CNTN6: variants seen among roughly 807,000 people sequenced by gnomAD.
CNTN6 encodes the protein contactin 6, also known as contactin-6.
CNTN6 carries 137 observed loss-of-function variants against 122.8 expected under a neutral mutation model. That is an observed-to-expected ratio of 1.12 (90% confidence interval 0.97 to 1.29). The LOEUF is 1.29. Ranked by LOEUF, CNTN6 falls within the 50% of genes most tolerant of loss-of-function variation. The probability of loss-of-function intolerance (pLI) is 0.00; values close to 1 mark genes in which losing one functional copy is unlikely to be tolerated. For synonymous variants in CNTN6, 570 were observed against 426.0 expected (o/e 1.34, Z -4.16); for missense variants, 1,634 against 1,223.4 (o/e 1.34, Z -5.01).
At chr3:1,304,946 G>A (rs1030131422) in intron 7 of CNTN6, among the ~76,000 whole-genome samples, 17 of 141,566 alleles carry the variant, frequency 1.2e-4, no homozygotes, top group Non-Finnish European at 1.8e-4. Flanking sequence ...AGCTGAGATC[G>A]TGCTGCTGCA....
chr3:1,399,952 A>G (rs1236782212), intron 20 of CNTN6, among the ~76,000 whole-genome samples: 1 of 152,146 alleles, frequency 6.6e-6, no homozygotes, highest in Non-Finnish European at 1.5e-5. Flanking sequence ...ACTGGACTGT[A>G]AGTGATTGAG....
At chr3:1,324,316 A>G (rs547704251) in intron 8 of CNTN6, among the ~76,000 whole-genome samples, 1 of 149,466 alleles carries the variant, frequency 6.7e-6, no homozygotes, top group Non-Finnish European at 1.5e-5. Flanking sequence ...AGTCAGACAG[A>G]CTTGCGTTTT....
At chr3:1,163,090 G>C (rs2093171372) in intron 2 of CNTN6, among the ~76,000 whole-genome samples, 1 of 152,172 alleles carries the variant, frequency 6.6e-6, no homozygotes, top group African/African-American at 2.4e-5. Flanking sequence ...ATGATTCTAA[G>C]ATGAGAAGCG....
chr3:1,395,722 G>T (rs1397045661), intron 20 of CNTN6, among the ~76,000 whole-genome samples: 3 of 152,166 alleles, frequency 2.0e-5, no homozygotes, highest in Non-Finnish European at 4.4e-5. Flanking sequence ...AGATTAGGAT[G>T]TGATCATGTT....
intron 12 of CNTN6, among the ~76,000 whole-genome samples, chr3:1,352,961 A>C (rs1039370106): frequency 1.3e-5 from 2 of 151,772 alleles, no homozygotes; most frequent in African/African-American, 4.8e-5. Context: ...TGTGTGAATC[A>C]TTATTATATT....
chr3:1,263,085 C>G (rs1427121335), intron 4 of CNTN6, among the ~76,000 whole-genome samples: 2 of 151,904 alleles, frequency 1.3e-5, no homozygotes, highest in Non-Finnish European at 2.9e-5. Context: ...AATAATATAC[C>G]TATTTTCAGA....
chr3:1,272,941 C>G (rs1486004150), intron 4 of CNTN6, among the ~76,000 whole-genome samples: 2 of 152,220 alleles, frequency 1.3e-5, no homozygotes, highest in Non-Finnish European at 2.9e-5. Context: ...CCTTGTCCCT[C>G]CCTTGCACCT....
intron 2 of CNTN6, among the ~76,000 whole-genome samples, chr3:1,172,687 T>C (rs986542421): frequency 6.6e-6 from 1 of 151,916 alleles, no homozygotes; most frequent in Non-Finnish European, 1.5e-5. Flanking sequence ...AGTTTTGGAA[T>C]GTCAGTCATC....
chr3:1,343,183 A>G (rs1704147867), intron 11 of CNTN6, among the ~76,000 whole-genome samples: 1 of 152,348 alleles, frequency 6.6e-6, no homozygotes, highest in African/African-American at 2.4e-5. Flanking sequence ...ACATTGTATA[A>G]TGCATATAAC....
chr3:1,196,160 T>A (rs545565385), intron 2 of CNTN6, among the ~76,000 whole-genome samples: 4 of 152,348 alleles, frequency 2.6e-5, no homozygotes, highest in African/African-American at 9.6e-5. Context: ...TGGGCATTGC[T>A]TAACAGCATT....
rs1259600492 is a variant in CNTN6 at position 1,098,787 on chromosome 3, CACATATATAT to C, written c.-83+5669_-83+5678del. 1.3e-4 allele frequency among the ~76,000 whole-genome samples: 7 copies of C among 55,686 alleles called. 1 individual carries two copies. Among genetic ancestry groups the C allele is most frequent in the South Asian group, 1.4e-3 (2 of 1,388 alleles). 36.5% of individuals were successfully genotyped at this position (55,686 alleles called of 152,430 possible). A position where few individuals can be genotyped will look rare whatever the true frequency, so the allele number is the denominator to read the frequency against. On this transcript the variant is annotated intron_variant, in intron 1 of 22. Transcript: ENST00000446702. Reference sequence around the variant, plus strand: ...ACACACACACACACACACACACACACACATATATATATATATATATATATATATATAGTGG... The same window carrying C: ...ACACACACACACACACACACACACACATATATATATATATATATATAGTGG...
intron 12 of CNTN6, among the ~76,000 whole-genome samples, chr3:1,364,360 G>T (rs1306723070): frequency 6.6e-6 from 1 of 151,870 alleles, no homozygotes. Flanking sequence ...AATAAAGGAA[G>T]AGCCCCATGT....
intron 11 of CNTN6, among the ~76,000 whole-genome samples, chr3:1,344,621 G>T (rs760010268): frequency 1.3e-5 from 2 of 152,132 alleles, no homozygotes; most frequent in Non-Finnish European, 2.9e-5. Context: ...TTGTCTGGCA[G>T]GTTCTGTGAA....
intron 2 of CNTN6, among the ~76,000 whole-genome samples, chr3:1,165,833 C>T: frequency 6.6e-6 from 1 of 152,134 alleles, no homozygotes; most frequent in East Asian, 1.9e-4. Context: ...TTTAAAATGG[C>T]ACTCTCAAAC....
intron 1 of CNTN6, among the ~76,000 whole-genome samples, chr3:1,122,165 G>A (rs1187198566): frequency 6.6e-6 from 1 of 151,822 alleles, no homozygotes; most frequent in East Asian, 1.9e-4. Flanking sequence ...AATGGAACTA[G>A]TATATTAATT....
At chr3:1,167,783 C>T (rs189676948) in intron 2 of CNTN6, among the ~76,000 whole-genome samples, 2 of 152,272 alleles carry the variant, frequency 1.3e-5, no homozygotes, top group African/African-American at 2.4e-5. Context: ...TAGATTCAAC[C>T]GCTGTTCAAC....
intron 20 of CNTN6, among the ~76,000 whole-genome samples, chr3:1,398,420 C>G (rs1695252167): frequency 6.6e-6 from 1 of 152,094 alleles, no homozygotes; most frequent in African/African-American, 2.4e-5. Context: ...TTTTATCTCC[C>G]TTTCTAAAAA....
At chr3:1,294,578 T>G (rs1320650106) in intron 5 of CNTN6, among the ~76,000 whole-genome samples, 3 of 152,184 alleles carry the variant, frequency 2.0e-5, no homozygotes, top group African/African-American at 7.2e-5. Flanking sequence ...GCTCATTATG[T>G]CATTTATACA....
intron 11 of CNTN6, among the ~76,000 whole-genome samples, chr3:1,352,118 C>T (rs1203740378): frequency 2.0e-5 from 3 of 151,776 alleles, no homozygotes; most frequent in Non-Finnish European, 1.5e-5. Context: ...TTATCAATAT[C>T]GTGTCAGAAT....
Sources: allele counts gnomAD v4.1 joint callset (sites outside exome capture counted in the v4.1 genomes callset), GRCh38; gene constraint gnomAD v4.1.1; transcripts MANE v1.5; gene names NCBI Gene and HGNC (gene_info 2026-07-23, HGNC 2026-07-21).